The following AK8 variants were observed in gnomAD, a reference collection of about 807,000 sequenced individuals.
The protein encoded by AK8 is adenylate kinase 8, also known as ATP-AMP transphosphorylase 8.
AK8 carries 44 observed loss-of-function variants against 54.6 expected under a neutral mutation model. That is an observed-to-expected ratio of 0.81 (90% CI 0.63 to 1.04). The LOEUF (loss-of-function observed/expected upper bound fraction) is 1.04, where lower values mean the gene tolerates loss of function less well. AK8 is among the 50% of genes least tolerant of loss of function. The pLI is 0.00. For synonymous variants in AK8, 239 were observed against 245.6 expected (o/e 0.97, Z 0.25); for missense variants, 555 against 613.6 (o/e 0.90, Z 1.01).
chr9:132,878,395 C>T (rs1185802496), upstream of AK8: 19 of 1,242,422 alleles, frequency 1.5e-5, no homozygotes, highest in Non-Finnish European at 1.9e-5. The surrounding 1 kb of genome is among the most constrained non-coding windows in gnomAD (Gnocchi z 4.7). Context: ...GCGCGGGTCG[C>T]CCCCGCCCCG....
At chr9:132,840,434 AC>A (rs1228026683) in intron 5 of AK8, among the ~76,000 whole-genome samples, 4 of 151,936 alleles carry the variant, frequency 2.6e-5, no homozygotes, top group Admixed American at 1.3e-4. Context: ...ACACACACAC[AC>A]ACACACACAC....
intron 11 of AK8, among the ~76,000 whole-genome samples, chr9:132,740,716 C>CCT (rs1564375362): frequency 6.6e-6 from 1 of 152,144 alleles, no homozygotes; most frequent in African/African-American, 2.4e-5. Flanking sequence ...TGAGCACCCC[C>CCT]CCGCCCCACT....
At chr9:132,776,306 C>A (rs527342949) in intron 11 of AK8, among the ~76,000 whole-genome samples, 2 of 152,342 alleles carry the variant, frequency 1.3e-5, no homozygotes, top group African/African-American at 4.8e-5. Context: ...CCGGATGACC[C>A]AGCCACCGCC....
chr9:132,730,391 G>T, intron 11 of AK8, among the ~76,000 whole-genome samples: 1 of 151,328 alleles, frequency 6.6e-6, no homozygotes, highest in South Asian at 2.1e-4. Flanking sequence ...ACCAACCCAT[G>T]GTATCCAGGC....
chr9:132,863,640 C>A (rs754793613), intron 4 of AK8, 25 bp downstream of exon 4: 14 of 1,551,632 alleles, frequency 9.0e-6, no homozygotes, highest in African/African-American at 1.4e-5. Flanking sequence ...TGTGTGCCTA[C>A]CCCTGTCCCC....
At position 132,878,048 on chromosome 9, in the gene AK8, G is replaced by A. The variant is rs1362622915; in HGVS notation, c.84+124C>T. On this transcript the variant is annotated intron_variant, in intron 1 of 12. Coordinates refer to ENST00000298545, the MANE Select transcript of AK8 (RefSeq NM_152572.3). This position sits in a 1 kb window ranked among gnomAD's most constrained non-coding sequence, Gnocchi z 4.7. ...CGGCGACACACGAATCGTACATCCC[G>A]AGTTGGGCTGCTTCGTGGGCGCGCG... The A allele has an allele frequency of 4.4e-5, 67 of 1,537,394 alleles. No individual in the cohort carries two copies. Among genetic ancestry groups the A allele is most frequent in the Middle Eastern group, 1.7e-4 (1 of 5,964 alleles).
Position 132,863,790 on chromosome 9 carries a change from A to G in AK8, c.220-12T>C. On this transcript the variant is annotated splice_polypyrimidine_tract_variant and intron_variant, in intron 3 of 12. Transcript: ENST00000298545. ...CAGAGCCACATTGCCTGAAGAAAGG[A>G]AAGAAGAAAAGGGCATTTTCATAAA... 6.3e-7 allele frequency: 1 copy of G among 1,583,748 alleles called. No individual in the cohort carries two copies. Among genetic ancestry groups the G allele is most frequent in the Admixed American group, 1.7e-5 (1 of 58,976 alleles).
intron 9 of AK8, among the ~76,000 whole-genome samples, chr9:132,819,838 A>C (rs1208514939): frequency 6.6e-6 from 1 of 152,190 alleles, no homozygotes; most frequent in African/African-American, 2.4e-5. Context: ...TCAAGACTAT[A>C]AAGCAATCAG....
intron 10 of AK8, among the ~76,000 whole-genome samples, chr9:132,802,645 G>A (rs140534808): frequency 9.8e-5 from 15 of 152,298 alleles, no homozygotes; most frequent in African/African-American, 2.9e-4. Context: ...TGAAGAATCC[G>A]TCTTGGACAC....
intron 11 of AK8, among the ~76,000 whole-genome samples, chr9:132,730,899 G>GA (rs1358166508): frequency 1.3e-5 from 2 of 152,152 alleles, no homozygotes; most frequent in Admixed American, 1.3e-4. Context: ...GGAAAGCCGG[G>GA]GCTGCCCCCG....
At chr9:132,849,369 T>C (rs1842880840) in intron 5 of AK8, among the ~76,000 whole-genome samples, 1 of 152,232 alleles carries the variant, frequency 6.6e-6, no homozygotes, top group South Asian at 2.1e-4. Flanking sequence ...AGCACAGCCG[T>C]GCCCTTTTGT....
At position 132,863,592 on chromosome 9, in the gene AK8, G is replaced by C. The variant is rs572302505; in HGVS notation, c.333+73C>G. ...ATGAAATGGGAACAAACCAAGCAAT[G>C]GTCAGGTGGCAGTGGGTGTGGCAGT... On this transcript the variant is annotated intron_variant, in intron 4 of 12. Transcript: ENST00000298545. The C allele has an allele frequency of 1.1e-5, 11 of 1,019,728 alleles. No individual in the cohort carries two copies. In the African/African-American group the frequency reaches 1.4e-4, roughly 13 times the overall value. The allele number at this position is 1,019,728 out of a possible 1,614,324, so 63.2% of individuals were successfully genotyped here.
chr9:132,797,276 C>G (rs959400245), intron 10 of AK8, among the ~76,000 whole-genome samples: 1 of 151,168 alleles, frequency 6.6e-6, no homozygotes, highest in East Asian at 1.9e-4. Flanking sequence ...ACTGGGCCCA[C>G]GGAAAGCATC....
rs748518347 is a variant in AK8 at position 132,875,145 on chromosome 9, T to C, written c.139A>G (p.Ile47Val). 6.2e-7 allele frequency: 1 copy of C among 1,614,114 alleles called. No homozygotes were observed. Among genetic ancestry groups the C allele is most frequent in the Non-Finnish European group, 8.5e-7 (1 of 1,180,004 alleles). ...TCGTTGTCTCTATGCAAGTGCTGGA[T>C]CATGAAGGGGATGGGATCTTCGGGC... ...HQPEDPIPFM[I>V]QHLHRDNDNV... Residue 47 changes from isoleucine (I) to valine (V), a missense_variant, in exon 2 of 13, where the codon ATC (isoleucine) becomes GTC (valine). By Grantham distance (29) the Ile-to-Val change is conservative. Transcript: ENST00000298545.
At chr9:132,852,632 C>T (rs1222682131) in intron 5 of AK8, among the ~76,000 whole-genome samples, 4 of 147,708 alleles carry the variant, frequency 2.7e-5, no homozygotes, top group Non-Finnish European at 6.0e-5. Context: ...AAATTAGGCA[C>T]GGTGGTGTAT....
chr9:132,844,912 T>C (rs1190331680), intron 5 of AK8, among the ~76,000 whole-genome samples: 4 of 152,228 alleles, frequency 2.6e-5, no homozygotes, highest in African/African-American at 7.2e-5. Flanking sequence ...CAGTGGCCAA[T>C]AGTACAACAC....
intron 10 of AK8, among the ~76,000 whole-genome samples, chr9:132,808,367 G>A (rs1175083862): frequency 1.3e-5 from 2 of 152,186 alleles, no homozygotes; most frequent in African/African-American, 4.8e-5. Context: ...TCCAGGCACA[G>A]AATAAGCATC....
rs773935645 is a variant in AK8, at chr9:132,878,261, C to A, written c.-6G>T. 3 of 1,362,260 alleles carry A rather than the reference C, an allele frequency of 2.2e-6. No homozygotes were observed. The highest frequency in any genetic ancestry group is 2.9e-6 in the Non-Finnish European group (3 of 1,049,282). 84.4% of individuals were successfully genotyped at this position (1,362,260 alleles called of 1,614,324 possible). A position where few individuals can be genotyped will look rare whatever the true frequency, so the allele number is the denominator to read the frequency against. Reference sequence around the variant, plus strand: ...GGGGCGATAGTGGCGTCCATGTAGCCGTCTCGGCTCGCCGCTCCCTAGTAA... The same window carrying A: ...GGGGCGATAGTGGCGTCCATGTAGCAGTCTCGGCTCGCCGCTCCCTAGTAA... On this transcript the variant is annotated 5_prime_UTR_variant, in exon 1 of 13. Transcript: ENST00000298545. This position sits in a 1 kb window ranked among gnomAD's most constrained non-coding sequence, Gnocchi z 4.7.
Position 132,740,776 on chromosome 9 carries a change from C to G in AK8, c.1122-13242G>C, listed in dbSNP as rs574135049. Among the ~76,000 whole-genome samples, 9 of 152,320 alleles carry G rather than the reference C, an allele frequency of 5.9e-5. No homozygotes were observed. In the East Asian group the frequency reaches 1.7e-3, roughly 29 times the overall value. On this transcript the variant is annotated intron_variant, in intron 11 of 12. Transcript: ENST00000298545. Reference sequence around the variant, plus strand: ...CGGTGGGCCCAGGCGAGGAACCCACCCAGGCCTTGGAAAGTACAGTTGATG... The same window carrying G: ...CGGTGGGCCCAGGCGAGGAACCCACGCAGGCCTTGGAAAGTACAGTTGATG...
Sources: gnomAD v4.1 joint callset for allele counts (sites outside exome capture counted in the v4.1 genomes callset) on GRCh38, gnomAD v4.1.1 for gene constraint, Gnocchi (gnomAD v3.1) non-coding constraint, MANE v1.5 for transcripts, NCBI Gene and HGNC (gene_info 2026-07-23, HGNC 2026-07-21) for gene names.